The following TNK2 variants were observed in gnomAD, a reference collection of about 807,000 sequenced individuals.
The protein encoded by TNK2 is activated CDC42 kinase 1.
A neutral mutation model predicts 101.8 loss-of-function variants in TNK2; 83 were observed. The observed-to-expected ratio is 0.82, with a 90% CI of 0.68 to 0.98. The LOEUF is 0.98. TNK2 is among the 50% of genes least tolerant of loss of function. The pLI is 0.00. For synonymous variants in TNK2, 804 were observed against 633.0 expected (o/e 1.27, Z -4.06); for missense variants, 1,665 against 1,483.2 (o/e 1.12, Z -2.01).
intron 6 of TNK2, among the ~76,000 whole-genome samples, chr3:195,880,899 G>A (rs986806001): frequency 8.3e-4 from 39 of 47,002 alleles, no homozygotes; most frequent in Admixed American, 1.6e-3. Context: ...CCCTTGGAGA[G>A]GACACAGCAT....
chr3:195,895,350 G>GC, intron 1 of TNK2: 1 of 1,562,100 alleles, frequency 6.4e-7, no homozygotes, highest in Non-Finnish European at 8.7e-7. Flanking sequence ...AGCGCCCGCA[G>GC]CCCCCGCCCC....
rs368339048 is a variant in TNK2 at position 195,866,681 on chromosome 3, T to C, written c.3161+208A>G. 5.3e-5 allele frequency among the ~76,000 whole-genome samples: 8 copies of C among 152,296 alleles called. No individual in the cohort carries two copies. In the East Asian group the frequency reaches 1.5e-3, roughly 29 times the overall value. On this transcript the variant is annotated intron_variant, in intron 15 of 15. Coordinates refer to ENST00000672887, the MANE Select transcript of TNK2 (RefSeq NM_001382273.1). ...GGCTCCAATTCCCTCTTGTACTCATTTGAAAACCAAGTGGCTAAAATGTCC... is the reference window on the plus strand; with the variant it reads ...GGCTCCAATTCCCTCTTGTACTCATCTGAAAACCAAGTGGCTAAAATGTCC...
intron 1 of TNK2, among the ~76,000 whole-genome samples, chr3:195,889,760 C>T (rs946705302): frequency 6.6e-6 from 1 of 152,202 alleles, no homozygotes; most frequent in Non-Finnish European, 1.5e-5. Flanking sequence ...GCTAAGCAAG[C>T]GGACCCACCG....
chr3:195,870,169 G>T lies in TNK2; in HGVS notation c.1488C>A (p.Leu496=). Residue 496 remains leucine, a synonymous_variant, in exon 11 of 16, where the codon CTC becomes CTA. Transcript: ENST00000672887. The part of the protein sequence containing the change: ...YLGNPMDPPD[L]LSVELSTSRP... ...GGGAGGTGCTCAGTTCCACGCTCAG[G>T]AGGTCGGGGGGGTCCATGGGGTTTC... 2 of 1,511,814 alleles carry T rather than the reference G, an allele frequency of 1.3e-6. No individual in the cohort carries two copies. Among genetic ancestry groups the T allele is most frequent in the Non-Finnish European group, 1.8e-6 (2 of 1,123,076 alleles). The allele number at this position is 1,511,814 out of a possible 1,614,324, so 93.6% of individuals were successfully genotyped here. A position where few individuals can be genotyped will look rare whatever the true frequency, so the allele number is the denominator to read the frequency against.
At chr3:195,871,861 C>A (rs1346450705) in intron 10 of TNK2, among the ~76,000 whole-genome samples, 1 of 152,198 alleles carries the variant, frequency 6.6e-6, no homozygotes, top group Non-Finnish European at 1.5e-5. Context: ...GATCGGCCCC[C>A]CAAAGCTTGA....
chr3:195,887,752 CGCGTGTGCGCACGTGTGTGCGTCT>C (rs1756380649), intron 2 of TNK2, among the ~76,000 whole-genome samples: 2 of 149,748 alleles, frequency 1.3e-5, no homozygotes, highest in Non-Finnish European at 3.0e-5. Flanking sequence ...TGTGTGCACA[CGCGTGTGCGCACGTGTGTGCGTCT>C]GCGCGCGTGT....
Position 195,896,777 on chromosome 3 carries a change from C to G in TNK2, c.-18-8171G>C, listed in dbSNP as rs78539539. On this transcript the variant is annotated intron_variant, in intron 1 of 15. Coordinates refer to ENST00000672887, the MANE Select transcript of TNK2 (RefSeq NM_001382273.1). ...TTCGAGAATCCACCCCACGTGTACA[C>G]CCCCTCTGCTCTTCACTTGTCTCTT... 9.1e-3 allele frequency: 1,385 copies of G among 152,676 alleles called. 16 individuals carry two copies. Among genetic ancestry groups the G allele is most frequent in the Middle Eastern group, 0.034 (10 of 296 alleles). The allele number at this position is 152,676 out of a possible 1,614,324, so 9.5% of individuals were successfully genotyped here. A position where few individuals can be genotyped will look rare whatever the true frequency, so the allele number is the denominator to read the frequency against.
In TNK2 at chr3:195,886,858, G is replaced by T; in HGVS notation, c.234+119C>A. The T allele has an allele frequency of 9.1e-7, 1 of 1,103,432 alleles. No homozygotes were observed. The highest frequency in any genetic ancestry group is 1.5e-5 in the African/African-American group (1 of 64,880). 68.4% of individuals were successfully genotyped at this position (1,103,432 alleles called of 1,614,324 possible). On this transcript the variant is annotated intron_variant, in intron 3 of 15. Transcript: ENST00000672887. This position sits in a 1 kb window ranked among gnomAD's most constrained non-coding sequence, Gnocchi z 4.2. Reference sequence around the variant, plus strand: ...TGGACGAGGGGGTCCTGTACAAAGTGCCGGCAGAACGGCGAGATTCGACCT... The same window carrying T: ...TGGACGAGGGGGTCCTGTACAAAGTTCCGGCAGAACGGCGAGATTCGACCT...
chr3:195,892,305 C>T lies in TNK2; in HGVS notation c.-18-3699G>A, dbSNP rs568071333. ...GGACTCCCCGTCAAGCCCTCACTGG[C>T]GGGGTCCCTCAGCCGCTCCCAGTCT... On this transcript the variant is annotated intron_variant, in intron 1 of 15. Coordinates refer to ENST00000672887, the MANE Select transcript of TNK2 (RefSeq NM_001382273.1). 372 of 1,157,698 alleles carry T rather than the reference C, an allele frequency of 3.2e-4. 1 individual carries two copies. The highest frequency in any genetic ancestry group is 4.2e-4 in the Non-Finnish European group (357 of 843,546). The allele number at this position is 1,157,698 out of a possible 1,614,324, so 71.7% of individuals were successfully genotyped here.
At chr3:195,890,454 G>GT (rs58431049) in intron 1 of TNK2, among the ~76,000 whole-genome samples, 2,988 of 119,080 alleles carry the variant, frequency 0.025, 73 homozygotes, top group African/African-American at 0.06. Flanking sequence ...TAGTTTTTTG[G>GT]TTTTTTTTTT....
At chr3:195,875,906 C>G (rs1186790776) in intron 9 of TNK2, among the ~76,000 whole-genome samples, 1 of 152,208 alleles carries the variant, frequency 6.6e-6, no homozygotes, top group Non-Finnish European at 1.5e-5. Flanking sequence ...CTCTGGAAAT[C>G]TCAGCACCAC....
intron 12 of TNK2, 138 bp downstream of exon 12, chr3:195,869,359 G>T: frequency 1.0e-6 from 1 of 956,714 alleles, no homozygotes; most frequent in Non-Finnish European, 1.6e-6. Flanking sequence ...GCTAGGCCAG[G>T]GCAGCCGCGG....
intron 1 of TNK2, among the ~76,000 whole-genome samples, chr3:195,903,110 G>A (rs901546025): frequency 1.4e-5 from 2 of 147,956 alleles, no homozygotes; most frequent in Non-Finnish European, 3.0e-5. Context: ...GCGCCATCTC[G>A]GCTTACTGCA....
chr3:195,885,032 AC>A lies in TNK2; in HGVS notation c.235del (p.Val79CysfsTer75). 6.3e-7 allele frequency: 1 copy of A among 1,590,366 alleles called. No homozygotes were observed. The highest frequency in any genetic ancestry group is 8.6e-7 in the Non-Finnish European group (1 of 1,165,478). ...AGCCTCCAGTCGCTTTCCACTGAACACCTGTTTGAAGGCAGCCGGGGGCCAG... is the reference window on the plus strand; with the variant it reads ...AGCCTCCAGTCGCTTTCCACTGAACACTGTTTGAAGGCAGCCGGGGGCCAG... ...LCKRKSWMSK[V>X]FSGKRLEAEF... is the part of the protein sequence containing the mutation. On this transcript the variant is annotated frameshift_variant and splice_region_variant, in exon 4 of 16. Coordinates refer to ENST00000672887, the MANE Select transcript of TNK2 (RefSeq NM_001382273.1). LOFTEE classifies it high-confidence loss of function. The surrounding 1 kb of genome is among the most constrained non-coding windows in gnomAD (Gnocchi z 4.7).
Position 195,888,518 on chromosome 3 carries a change from AG to A in TNK2, c.70del (p.Leu24CysfsTer40), listed in dbSNP as rs1257495359. The A allele has an allele frequency of 1.9e-6, 3 of 1,613,512 alleles. No individual in the cohort carries two copies. The highest frequency in any genetic ancestry group is 2.7e-5 in the African/African-American group (2 of 74,884). ...LSEVQLQQYF[L>X]RLRDDLNVTR... ...GACGTTGAGGTCATCTCGGAGCCGC[AG>A]GAAGTACTGTTGCAGCTGCACCTCG... On this transcript the variant is annotated frameshift_variant, in exon 2 of 16. Transcript: ENST00000672887. LOFTEE classifies it high-confidence loss of function. This position sits in a 1 kb window ranked among gnomAD's most constrained non-coding sequence, Gnocchi z 5.3.
Position 195,868,652 on chromosome 3 carries a change from C to A in TNK2, c.1646G>T (p.Arg549Met), listed in dbSNP as rs1249584563. Residue 549 changes from arginine to methionine, a missense_variant, in exon 13 of 16, where the codon AGG becomes ATG. Physicochemically the swap from Arg to Met is moderately conservative, Grantham distance 91 (BLOSUM62 -1). This residue lies in a region of TNK2 where 1,136 missense variants were observed against 894.9 expected (regional missense o/e 1.27). Coordinates refer to ENST00000672887, the MANE Select transcript of TNK2 (RefSeq NM_001382273.1). ...CAGGCCTGGCTTCCGCAGGCCCAGCCTCTTGAAGTCGCTGGACAAGGGGTC... is the reference window on the plus strand; with the variant it reads ...CAGGCCTGGCTTCCGCAGGCCCAGCATCTTGAAGTCGCTGGACAAGGGGTC... ...DQDPLSSDFK[R>M]LGLRKPGLPR... 1.3e-6 allele frequency: 2 copies of A among 1,593,964 alleles called. No individual in the cohort carries two copies. Among genetic ancestry groups the A allele is most frequent in the Non-Finnish European group, 1.7e-6 (2 of 1,178,038 alleles).
rs908059152 is a variant in TNK2, at chr3:195,869,825, G to C, written c.1544-284C>G. ...TTGGGACAGGAGAGCAGGATTAGGG[G>C]GAAGTGAGGAAAGCCAGGATCTGAG... On this transcript the variant is annotated intron_variant, in intron 11 of 15. Coordinates refer to ENST00000672887, the MANE Select transcript of TNK2 (RefSeq NM_001382273.1). The C allele has an allele frequency of 5.3e-6, 3 of 569,578 alleles. No individual in the cohort carries two copies. The African/African-American group carries it at 5.6e-5, about 11-fold the overall frequency. 35.3% of individuals were successfully genotyped at this position (569,578 alleles called of 1,614,324 possible). A position where few individuals can be genotyped will look rare whatever the true frequency, so the allele number is the denominator to read the frequency against.
intron 1 of TNK2, among the ~76,000 whole-genome samples, chr3:195,907,379 C>G (rs1026793445): frequency 2.0e-5 from 3 of 152,228 alleles, no homozygotes; most frequent in African/African-American, 7.2e-5. Context: ...CCTCTGCCCC[C>G]AGAGGAGAGC....
intron 1 of TNK2, among the ~76,000 whole-genome samples, chr3:195,897,784 GA>G (rs1260766879): frequency 6.7e-6 from 1 of 149,310 alleles, no homozygotes; most frequent in Non-Finnish European, 1.5e-5. Flanking sequence ...TTACAGGCAT[GA>G]GCCACTGCGC....
Sources: gnomAD v4.1 joint callset for allele counts (sites outside exome capture counted in the v4.1 genomes callset) on GRCh38, gnomAD v4.1.1 for gene constraint, gnomAD v4.1.1 regional missense constraint, Gnocchi (gnomAD v3.1) non-coding constraint, MANE v1.5 for transcripts, NCBI Gene and HGNC (gene_info 2026-07-23, HGNC 2026-07-21) for gene names.